The following DOCK9 variants were observed in gnomAD, a reference collection of about 807,000 sequenced individuals.
The protein encoded by DOCK9 is dedicator of cytokinesis 9.
In DOCK9, 89 loss-of-function variants were observed where a neutral mutation model predicts 263.3. The observed-to-expected ratio is 0.34, with a 90% confidence interval of 0.28 to 0.40. The LOEUF (loss-of-function observed/expected upper bound fraction) is 0.40, where lower values mean the gene tolerates loss of function less well. Among genes scored for constraint, DOCK9 ranks in the 10% least tolerant of loss-of-function variants. The pLI, the probability that DOCK9 is intolerant of heterozygous loss-of-function variation, is 1.00. For synonymous variants in DOCK9, 976 were observed against 973.1 expected, an observed-to-expected ratio of 1.00 and a Z score of -0.06; for missense variants, 2,140 against 2,603.4, an observed-to-expected ratio of 0.82 and a Z score of 3.87.
Position 98,914,371 on chromosome 13 carries a change from C to A in DOCK9, c.917G>T (p.Gly306Val). ...HEDDEQSKLE[G>V]SGSGLDSYLP... is the part of the protein sequence containing the mutation. Reference sequence around the variant, plus strand: ...GTAGCTATCTAAACCGGAACCAGAACCTTCCAATTTGCTTTGTTCATCATC... The same window carrying A: ...GTAGCTATCTAAACCGGAACCAGAAACTTCCAATTTGCTTTGTTCATCATC... The change falls in exon 9 of 53, where the codon GGT becomes GTT. Residue 306 changes from glycine (G) to valine (V), a missense_variant. This residue lies in a region of DOCK9 where 1,521 missense variants were observed against 1,741.7 expected (regional missense o/e 0.87). Transcript: ENST00000682017. The A allele has an allele frequency of 6.2e-7, 1 of 1,609,612 alleles. No individual in the cohort carries two copies. Among genetic ancestry groups the A allele is most frequent in the East Asian group, 2.2e-5 (1 of 44,774 alleles).
chr13:99,046,670 C>T (rs2040449375), intron 1 of DOCK9, among the ~76,000 whole-genome samples: 1 of 152,220 alleles, frequency 6.6e-6, no homozygotes, highest in African/African-American at 2.4e-5. Flanking sequence ...TGTGTAAGTG[C>T]ATGGGTGTAA....
chr13:98,934,064 AT>A (rs937875621), intron 2 of DOCK9, among the ~76,000 whole-genome samples: 1 of 151,426 alleles, frequency 6.6e-6, no homozygotes, highest in African/African-American at 2.4e-5. Flanking sequence ...TGCCTGGCTA[AT>A]TTTTGAATTT....
At position 98,919,773 on chromosome 13, in the gene DOCK9, C is replaced by T. The variant is rs558866393; in HGVS notation, c.717+1181G>A. On this transcript the variant is annotated intron_variant, in intron 7 of 52. Coordinates refer to ENST00000682017, the MANE Select transcript of DOCK9 (RefSeq NM_001366683.2). ...TTTATCTCATGTGCACTGTGAATTGCGTGACTAAACAGGTCTCCAAGTGAG... is the reference window on the plus strand; with the variant it reads ...TTTATCTCATGTGCACTGTGAATTGTGTGACTAAACAGGTCTCCAAGTGAG... 5.3e-5 allele frequency among the ~76,000 whole-genome samples: 8 copies of T among 152,324 alleles called. No individual in the cohort carries two copies. The South Asian group carries it at 1.0e-3, about 20-fold the overall frequency.
upstream of DOCK9, among the ~76,000 whole-genome samples, chr13:99,087,075 G>A (rs916829667): frequency 3.4e-5 from 5 of 147,208 alleles, no homozygotes; most frequent in Non-Finnish European, 5.9e-5. Context: ...GGCCTCTGCG[G>A]GGACAGAGGT....
At chr13:98,867,780 CT>C in intron 29 of DOCK9, 147 bp downstream of exon 29, 3 of 766,644 alleles carry the variant, frequency 3.9e-6, no homozygotes, top group Non-Finnish European at 6.3e-6. Flanking sequence ...CAATGAAGGA[CT>C]TCAGGTAGCT....
chr13:99,071,674 T>A (rs1173317684), intron 1 of DOCK9, among the ~76,000 whole-genome samples: 2 of 151,990 alleles, frequency 1.3e-5, no homozygotes, highest in East Asian at 3.9e-4. Context: ...GAACACTAGG[T>A]GTAACTGTAC....
At chr13:99,025,911 T>C (rs1886646514) in intron 1 of DOCK9, among the ~76,000 whole-genome samples, 1 of 152,170 alleles carries the variant, frequency 6.6e-6, no homozygotes, top group Non-Finnish European at 1.5e-5. Context: ...CTTAAAACCA[T>C]GCTAAGTGAA....
chr13:98,976,205 T>C (rs116291172), intron 1 of DOCK9, among the ~76,000 whole-genome samples: 374 of 152,348 alleles, frequency 2.5e-3, no homozygotes, highest in African/African-American at 8.8e-3. Flanking sequence ...TGCCACAAGC[T>C]GCTGGGCCCT....
At chr13:98,810,144 A>C in intron 46 of DOCK9, 25 bp downstream of exon 46, 4 of 1,613,674 alleles carry the variant, frequency 2.5e-6, no homozygotes, top group Non-Finnish European at 3.4e-6. Context: ...TCAAATAGGA[A>C]AAAAACAAAA....
chr13:98,867,306 T>G (rs74831834), intron 30 of DOCK9, 119 bp downstream of exon 30: 7,164 of 672,874 alleles, frequency 0.011, 321 homozygotes, highest in Admixed American at 0.095. Context: ...AGAAAAAAAT[T>G]AATTCATCAA....
chr13:99,008,210 C>CTATATA (rs1394085625), intron 1 of DOCK9, among the ~76,000 whole-genome samples: 13 of 72,642 alleles, frequency 1.8e-4, no homozygotes, highest in East Asian at 1.1e-3. Flanking sequence ...CTCTCTCTCT[C>CTATATA]TCTATATATA....
At position 98,830,985 on chromosome 13, in the gene DOCK9, T is replaced by G. The variant is rs145722531; in HGVS notation, c.4635+363A>C. On this transcript the variant is annotated intron_variant, in intron 41 of 52. Coordinates refer to ENST00000682017, the MANE Select transcript of DOCK9 (RefSeq NM_001366683.2). Reference sequence around the variant, plus strand: ...GCTTTAATTCTGCAGAGATAGCAGATGTGTCAGCAGATAGAGGACAGAAAA... The same window carrying G: ...GCTTTAATTCTGCAGAGATAGCAGAGGTGTCAGCAGATAGAGGACAGAAAA... Among the ~76,000 whole-genome samples, 8 of 152,338 alleles carry G rather than the reference T, an allele frequency of 5.3e-5. No individual in the cohort carries two copies. The East Asian group carries it at 1.2e-3, about 22-fold the overall frequency.
rs1316146488 is a variant in DOCK9, at chr13:98,913,852, C to A, written c.960+476G>T. ...TTAAATTTCTCAAAATTGTAAGACA[C>A]AGGAATAGCTTATTTTTTTTCCAGT... On this transcript the variant is annotated intron_variant, in intron 9 of 52. Transcript: ENST00000682017. Among the ~76,000 whole-genome samples, 6 of 152,102 alleles carry A rather than the reference C, an allele frequency of 3.9e-5. No homozygotes were observed. In the East Asian group the frequency reaches 1.2e-3, roughly 29 times the overall value.
exon 1 of DOCK9, chr13:99,086,325 G>C: frequency 1.4e-6 from 2 of 1,471,190 alleles, no homozygotes; most frequent in South Asian, 1.3e-5. Flanking sequence ...TCTCCGCCGA[G>C]GCGGGGAGCA....
At chr13:98,846,138 C>G in intron 37 of DOCK9, 78 bp from the exon 38 acceptor site, 1 of 1,501,326 alleles carries the variant, frequency 6.7e-7, no homozygotes, top group Non-Finnish European at 9.0e-7. Context: ...GTTAGTGAAG[C>G]CAGAACATGG....
At chr13:98,816,030 C>T (rs1441131864) in intron 45 of DOCK9, among the ~76,000 whole-genome samples, 1 of 152,214 alleles carries the variant, frequency 6.6e-6, no homozygotes, top group Non-Finnish European at 1.5e-5. Context: ...CTCACCACCA[C>T]ATCATTGAGT....
At chr13:98,879,877 C>A in intron 27 of DOCK9, 21 bp downstream of exon 27, 1 of 1,585,540 alleles carries the variant, frequency 6.3e-7, no homozygotes, top group South Asian at 1.2e-5. Flanking sequence ...AGAACACAAG[C>A]TTCCACTTGA....
In DOCK9 at chr13:98,921,095, G is replaced by A; in HGVS notation, c.583-7C>T. On this transcript the variant is annotated splice_polypyrimidine_tract_variant and splice_region_variant and intron_variant, in intron 6 of 52. Coordinates refer to ENST00000682017, the MANE Select transcript of DOCK9 (RefSeq NM_001366683.2). Reference sequence around the variant, plus strand: ...AAAATCGTCTCTTAAATGACTGAGAGAAAAATATACACACAGCTATTCTTT... The same window carrying A: ...AAAATCGTCTCTTAAATGACTGAGAAAAAAATATACACACAGCTATTCTTT... The A allele has an allele frequency of 1.3e-6, 2 of 1,593,976 alleles. No individual in the cohort carries two copies. Among genetic ancestry groups the A allele is most frequent in the Non-Finnish European group, 1.7e-6 (2 of 1,170,222 alleles).
At chr13:98,796,332 A>G (rs1167576205) in intron 52 of DOCK9, 1 of 825,542 alleles carries the variant, frequency 1.2e-6, no homozygotes, top group Non-Finnish European at 2.0e-6. Context: ...TCACTCCACA[A>G]ACGGCCCTGG....
Sources: allele counts gnomAD v4.1 joint callset (sites outside exome capture counted in the v4.1 genomes callset), GRCh38; gene constraint gnomAD v4.1.1; regional missense constraint gnomAD v4.1.1; transcripts MANE v1.5; gene names NCBI Gene and HGNC (gene_info 2026-07-23, HGNC 2026-07-21).